NLGN1: variants seen among roughly 807,000 people sequenced by gnomAD.
NLGN1 encodes the protein neuroligin-1.
A neutral mutation model predicts 65.5 loss-of-function variants in NLGN1; 12 were observed. The observed-to-expected ratio is 0.18, with a 90% CI of 0.12 to 0.30. NLGN1 has a LOEUF of 0.30. Among genes scored for constraint, NLGN1 ranks in the 10% least tolerant of loss-of-function variants. The pLI is 1.00. For synonymous variants in NLGN1, 350 were observed against 359.5 expected (o/e 0.97, Z 0.30); for missense variants, 750 against 1,007.1 (o/e 0.74, Z 3.46).
chr3:174,161,510 G>C (rs1170592723), intron 4 of NLGN1, among the ~76,000 whole-genome samples: 4 of 151,882 alleles, frequency 2.6e-5, no homozygotes, highest in Non-Finnish European at 5.9e-5. Flanking sequence ...AGTATTGCCA[G>C]TGAAGAAGGC....
chr3:174,200,307 ATTAGC>A (rs1460005772), intron 4 of NLGN1, among the ~76,000 whole-genome samples: 1 of 152,224 alleles, frequency 6.6e-6, no homozygotes, highest in Non-Finnish European at 1.5e-5. Context: ...GGCTCAGAAT[ATTAGC>A]TATTCAACTT....
chr3:173,702,103 G>C (rs1397043955), intron 3 of NLGN1, among the ~76,000 whole-genome samples: 4 of 149,968 alleles, frequency 2.7e-5, no homozygotes, highest in Admixed American at 2.0e-4. Flanking sequence ...GCTGGGCGTA[G>C]TGGCGGGCGC....
rs569502164 is a variant in NLGN1, at chr3:174,011,854, C to T, written c.646+204022C>T. Among the ~76,000 whole-genome samples the T allele has an allele frequency of 3.0e-3, 429 of 143,364 alleles. 1 individual carries two copies. Among genetic ancestry groups the T allele is most frequent in the Non-Finnish European group, 5.3e-3 (348 of 66,090 alleles). 94.1% of individuals were successfully genotyped at this position (143,364 alleles called of 152,430 possible). On this transcript the variant is annotated intron_variant, in intron 4 of 6. Coordinates refer to ENST00000457714, the Ensembl canonical transcript of NLGN1. ...CAAAACCTAAGAAAAAACCTTCTCT[C>T]CTGGAATTTATAATTATTTCTCATA...
At chr3:173,673,121 G>A (rs535305904) in intron 3 of NLGN1, among the ~76,000 whole-genome samples, 65 of 152,218 alleles carry the variant, frequency 4.3e-4, no homozygotes, top group African/African-American at 1.5e-3. Context: ...TACATTATCA[G>A]CATCAATTTT....
At chr3:174,281,001 C>T (rs1411120210) in exon 7 of NLGN1, 1 of 1,613,202 alleles carries the variant, frequency 6.2e-7, no homozygotes, top group Non-Finnish European at 8.5e-7. Flanking sequence ...TGATCTAACC[C>T]ATGCACAAGA....
intron 4 of NLGN1, among the ~76,000 whole-genome samples, chr3:173,816,025 C>A (rs946585495): frequency 6.8e-6 from 1 of 146,446 alleles, no homozygotes; most frequent in African/African-American, 2.5e-5. Flanking sequence ...AATATATTTA[C>A]AAAATTATAA....
chr3:173,625,185 A>C (rs989948590), intron 3 of NLGN1, among the ~76,000 whole-genome samples: 10 of 152,188 alleles, frequency 6.6e-5, no homozygotes, highest in African/African-American at 2.4e-4. Flanking sequence ...TTTTGCAGAA[A>C]AATGGGCAGA....
intron 2 of NLGN1, among the ~76,000 whole-genome samples, chr3:173,576,977 G>C (rs551143039): frequency 6.6e-6 from 1 of 152,278 alleles, no homozygotes; most frequent in South Asian, 2.1e-4. Context: ...TGGCACAACA[G>C]CTTCTCATCT....
intron 3 of NLGN1, among the ~76,000 whole-genome samples, chr3:173,734,001 C>T (rs1468171452): frequency 1.3e-5 from 2 of 151,832 alleles, no homozygotes; most frequent in Admixed American, 1.3e-4. Context: ...TATAATATTA[C>T]CGGTTATCTA....
intron 4 of NLGN1, among the ~76,000 whole-genome samples, chr3:173,942,109 GGTGTGT>G (rs1050946666): frequency 0.042 from 6,007 of 144,122 alleles, 140 homozygotes; most frequent in Middle Eastern, 0.082. Context: ...GGTGGTTGGG[GGTGTGT>G]GTGTGTGTGT....
chr3:174,240,946 A>G (rs1252352510), intron 4 of NLGN1, among the ~76,000 whole-genome samples: 3 of 152,056 alleles, frequency 2.0e-5, no homozygotes, highest in East Asian at 1.9e-4. Flanking sequence ...ATTTCCACCA[A>G]TTTCCAAAAT....
At chr3:173,777,109 C>T (rs952458243) in intron 3 of NLGN1, among the ~76,000 whole-genome samples, 2 of 151,910 alleles carry the variant, frequency 1.3e-5, no homozygotes, top group African/African-American at 2.4e-5. Flanking sequence ...CTAGAAGTTT[C>T]GGTCACCTCA....
exon 7 of NLGN1, chr3:174,282,707 C>T (rs981259340): frequency 1.3e-4 from 20 of 152,204 alleles, no homozygotes; most frequent in African/African-American, 4.8e-4. Context: ...ATCAGATGTA[C>T]ATTTATATTG....
intron 4 of NLGN1, among the ~76,000 whole-genome samples, chr3:174,211,025 T>C (rs1217321385): frequency 1.3e-5 from 2 of 152,134 alleles, no homozygotes; most frequent in Non-Finnish European, 2.9e-5. Context: ...CTGGAGTCTG[T>C]CCCTTCTGAT....
intron 2 of NLGN1, among the ~76,000 whole-genome samples, chr3:173,591,922 TA>T (rs1426363859): frequency 6.6e-6 from 1 of 152,070 alleles, no homozygotes; most frequent in Non-Finnish European, 1.5e-5. Context: ...ATCATCAACT[TA>T]ATATCAAGGG....
chr3:174,026,673 G>A (rs560114595), intron 4 of NLGN1, among the ~76,000 whole-genome samples: 1 of 152,242 alleles, frequency 6.6e-6, no homozygotes, highest in East Asian at 1.9e-4. Flanking sequence ...AACAAAAGGA[G>A]AAAAGAAAGC....
Position 173,742,820 on chromosome 3 carries a change from G to A in NLGN1, c.494-64860G>A, listed in dbSNP as rs557396654. Among the ~76,000 whole-genome samples the A allele has an allele frequency of 1.6e-4, 24 of 152,174 alleles. No homozygotes were observed. The South Asian group carries it at 1.7e-3, about 11-fold the overall frequency. ...TTTTTTCATATTAGTTGATGTTTTA[G>A]GGATGTGTTTCCATTGTTTATCCCT... On this transcript the variant is annotated intron_variant, in intron 3 of 6. Coordinates refer to ENST00000457714, the Ensembl canonical transcript of NLGN1.
At chr3:174,261,418 T>C (rs1196411847) in intron 4 of NLGN1, among the ~76,000 whole-genome samples, 1 of 148,454 alleles carries the variant, frequency 6.7e-6, no homozygotes, top group Non-Finnish European at 1.5e-5. Flanking sequence ...GTAAGTTGGA[T>C]TCCTAGGTAT....
intron 5 of NLGN1, among the ~76,000 whole-genome samples, chr3:174,275,766 T>G (rs193212751): frequency 6.6e-6 from 1 of 152,048 alleles, no homozygotes; most frequent in Admixed American, 6.6e-5. Flanking sequence ...ATAGTTAGCA[T>G]TACAGTTACT....
Sources: gnomAD v4.1 joint callset for allele counts (sites outside exome capture counted in the v4.1 genomes callset) on GRCh38, gnomAD v4.1.1 for gene constraint, MANE v1.5 for transcripts, NCBI Gene and HGNC (gene_info 2026-07-23, HGNC 2026-07-21) for gene names.